DSG4: variants seen among roughly 807,000 people sequenced by gnomAD.
The protein encoded by DSG4 is desmoglein 4.
Under a neutral mutation model 93.1 loss-of-function variants are expected in DSG4, and 87 were observed. The observed-to-expected ratio is 0.93, with a 90% CI of 0.79 to 1.12. The LOEUF (loss-of-function observed/expected upper bound fraction) is 1.12, where lower values mean the gene tolerates loss of function less well. Ranked by LOEUF, DSG4 falls within the 50% of genes most tolerant of loss-of-function variation. DSG4 has a pLI of 0.00. For synonymous variants in DSG4, 432 were observed against 452.9 expected (o/e 0.95, Z 0.59); for missense variants, 1,373 against 1,285.7 (o/e 1.07, Z -1.04).
chr18:31,410,280 C>A (rs1206742879), intron 14 of DSG4, among the ~76,000 whole-genome samples: 1 of 151,824 alleles, frequency 6.6e-6, no homozygotes, highest in African/African-American at 2.4e-5. Context: ...TAAAATTGAG[C>A]TTATGATAGT....
At position 31,380,748 on chromosome 18, in the gene DSG4, C is replaced by A. The variant is rs376711144; in HGVS notation, c.48+3789C>A. ...TGGTCCTACATATGCGGATGACTTCCAAACTGACTACTTACTTCAAAAGGG... is the reference window on the plus strand; with the variant it reads ...TGGTCCTACATATGCGGATGACTTCAAAACTGACTACTTACTTCAAAAGGG... On this transcript the variant is annotated intron_variant, in intron 1 of 15. Coordinates refer to ENST00000308128, the MANE Select transcript of DSG4 (RefSeq NM_177986.5). Among the ~76,000 whole-genome samples, 35 of 152,258 alleles carry A rather than the reference C, an allele frequency of 2.3e-4. 1 individual carries two copies. In the South Asian group the frequency reaches 5.6e-3, roughly 24 times the overall value.
Position 31,410,229 on chromosome 18 carries a change from T to C in DSG4, c.2137+421T>C, listed in dbSNP as rs556014171. On this transcript the variant is annotated intron_variant, in intron 14 of 15. Transcript: ENST00000308128. The stretch of plus-strand genomic sequence containing the variant: ...TCAACCTGTAGTAATAAGTCCTTAG[T>C]CAAGACATTTAACCTCACTGGGCCT... Among the ~76,000 whole-genome samples, 11 of 152,262 alleles carry C rather than the reference T, an allele frequency of 7.2e-5. No individual in the cohort carries two copies. In the East Asian group the frequency reaches 1.9e-3, roughly 27 times the overall value.
chr18:31,406,023 C>T (rs1213237695), intron 11 of DSG4, 54 bp from the exon 12 acceptor site: 6 of 1,608,460 alleles, frequency 3.7e-6, no homozygotes, highest in South Asian at 1.1e-5. Context: ...TAACCACCCC[C>T]CTAGCCCACC....
At chr18:31,406,757 T>C (rs911204529) in intron 12 of DSG4, among the ~76,000 whole-genome samples, 1 of 150,972 alleles carries the variant, frequency 6.6e-6, no homozygotes, top group East Asian at 1.9e-4. Context: ...CCTGAAAAGC[T>C]GAGGATTTTT....
In DSG4 at chr18:31,390,685, G is replaced by A. The variant is rs1385009281; in HGVS notation, c.547G>A (p.Asp183Asn). The change falls in exon 6 of 16, where the codon GAT becomes AAT. Residue 183 changes from aspartate to asparagine, a missense_variant. Asp to Asn is a conservative substitution (Grantham distance 23). Coordinates refer to ENST00000308128, the MANE Select transcript of DSG4 (RefSeq NM_177986.5). ...NTLVVKLCATDADEENHLNSK... is the reference protein window; with the variant it reads ...NTLVVKLCATNADEENHLNSK... Reference sequence around the variant, plus strand: ...ATTGGTAGTAAAGTTATGTGCCACAGATGCAGATGAAGAAAATCATCTGAA... The same window carrying A: ...ATTGGTAGTAAAGTTATGTGCCACAAATGCAGATGAAGAAAATCATCTGAA... 6.2e-7 allele frequency: 1 copy of A among 1,613,536 alleles called. No individual in the cohort carries two copies. The highest frequency in any genetic ancestry group is 8.5e-7 in the Non-Finnish European group (1 of 1,179,688).
In DSG4 at chr18:31,413,590, C is replaced by G. The variant is rs1396022221; in HGVS notation, c.3118C>G (p.Gln1040Glu). The G allele has an allele frequency of 1.9e-5, 30 of 1,613,258 alleles. No individual in the cohort carries two copies. Among genetic ancestry groups the G allele is most frequent in the Non-Finnish European group, 2.5e-5 (30 of 1,179,988 alleles). Residue 1040 changes from glutamine (Q) to glutamate (E), a missense_variant, in exon 16 of 16, where the codon CAG (glutamine) becomes GAG (glutamate). By Grantham distance (29) the Gln-to-Glu change is conservative. Coordinates refer to ENST00000308128, the MANE Select transcript of DSG4 (RefSeq NM_177986.5). ...ATACAGTAACATACATTACACCCAACAGTAAGTGCTTTATGGTCAGTATTC... is the reference window on the plus strand; with the variant it reads ...ATACAGTAACATACATTACACCCAAGAGTAAGTGCTTTATGGTCAGTATTC... ...TRYSNIHYTQ[Q>E]
intron 1 of DSG4, among the ~76,000 whole-genome samples, chr18:31,380,851 C>A (rs2072126086): frequency 6.6e-6 from 1 of 152,132 alleles, no homozygotes; most frequent in South Asian, 2.1e-4. Flanking sequence ...AGAATAATAT[C>A]TATTCCAGTA....
chr18:31,411,282 C>T lies in DSG4; in HGVS notation c.2189C>T (p.Ser730Leu), dbSNP rs1260703500. 1 of 1,613,234 alleles carries T rather than the reference C, an allele frequency of 6.2e-7. No homozygotes were observed. Among genetic ancestry groups the T allele is most frequent in the Non-Finnish European group, 8.5e-7 (1 of 1,180,014 alleles). Reference protein sequence around the residue: ...AAGGTVEGGVSGVELNTGMGT... With the variant: ...AAGGTVEGGVLGVELNTGMGT... ...GGGGGCACGGTGGAAGGAGGTGTATCGGGAGTGGAGCTCAACACAGGTATG... is the reference window on the plus strand; with the variant it reads ...GGGGGCACGGTGGAAGGAGGTGTATTGGGAGTGGAGCTCAACACAGGTATG... Residue 730 changes from serine to leucine, a missense_variant, in exon 15 of 16, where the codon TCG becomes TTG. Transcript: ENST00000308128.
intron 3 of DSG4, among the ~76,000 whole-genome samples, chr18:31,387,924 A>C (rs768731892): frequency 6.6e-6 from 1 of 152,156 alleles, no homozygotes; most frequent in Admixed American, 6.6e-5. Context: ...TCTAACCATT[A>C]TAGTTTTCTG....
In DSG4 at chr18:31,390,757, C is replaced by A; in HGVS notation, c.619C>A (p.Pro207Thr). The A allele has an allele frequency of 6.2e-7, 1 of 1,613,762 alleles. No homozygotes were observed. ...KIVSQEPSGA[P>T]MFILNRYTGE... The stretch of plus-strand genomic sequence containing the variant: ...CGTCTCTCAGGAGCCATCAGGTGCA[C>A]CCATGTTCATTCTGAATAGGTACAC... Residue 207 changes from proline (P) to threonine (T), a missense_variant, in exon 6 of 16, where the codon CCC becomes ACC. By Grantham distance (38) the Pro-to-Thr change is conservative. Coordinates refer to ENST00000308128, the MANE Select transcript of DSG4 (RefSeq NM_177986.5).
chr18:31,403,587 A>G lies in DSG4; in HGVS notation c.1589A>G (p.Asp530Gly). 1 of 1,614,060 alleles carries G rather than the reference A, an allele frequency of 6.2e-7. No individual in the cohort carries two copies. Among genetic ancestry groups the G allele is most frequent in the African/African-American group, 1.3e-5 (1 of 75,030 alleles). Reference protein sequence around the residue: ...YGSPFTFCVVDEPPGIADMWD... With the variant: ...YGSPFTFCVVGEPPGIADMWD... ...TCTCCGTTTACTTTCTGTGTTGTTGATGAGCCACCAGGAATAGCTGACATG... is the reference window on the plus strand; with the variant it reads ...TCTCCGTTTACTTTCTGTGTTGTTGGTGAGCCACCAGGAATAGCTGACATG... Residue 530 changes from aspartate to glycine, a missense_variant, in exon 11 of 16, where the codon GAT (aspartate) becomes GGT (glycine). Coordinates refer to ENST00000308128, the MANE Select transcript of DSG4 (RefSeq NM_177986.5).
At chr18:31,399,185 GTGT>G in intron 8 of DSG4, 84 bp from the exon 9 acceptor site, 1 of 1,549,526 alleles carries the variant, frequency 6.5e-7, no homozygotes. Flanking sequence ...CCTTATTCTA[GTGT>G]GTGGTTTGCT....
chr18:31,392,206 C>A lies in DSG4; in HGVS notation c.871C>A (p.Gln291Lys), dbSNP rs2072257551. The A allele has an allele frequency of 6.2e-7, 1 of 1,613,732 alleles. No individual in the cohort carries two copies. Among genetic ancestry groups the A allele is most frequent in the African/African-American group, 1.3e-5 (1 of 75,000 alleles). Residue 291 changes from glutamine to lysine, a missense_variant, in exon 8 of 16, where the codon CAA becomes AAA. Gln to Lys is a moderately conservative substitution (Grantham distance 53). Transcript: ENST00000308128. ...TTTAAGTTCGGAACTGATACGATTA[C>A]AAGCAATTGATCTTGATGAAGAAGG... The part of the protein sequence containing the change: ...NCLSSELIRL[Q>K]AIDLDEEGTD...
intron 8 of DSG4, among the ~76,000 whole-genome samples, chr18:31,392,976 G>A (rs748530846): frequency 3.3e-5 from 5 of 152,032 alleles, no homozygotes; most frequent in Admixed American, 6.6e-5. Context: ...CTGAAATACC[G>A]GCTTTGATTT....
In DSG4 at chr18:31,399,556, T is replaced by C; in HGVS notation, c.1277+13T>C. 6.2e-7 allele frequency: 1 copy of C among 1,613,774 alleles called. No homozygotes were observed. The highest frequency in any genetic ancestry group is 8.5e-7 in the Non-Finnish European group (1 of 1,179,842). On this transcript the variant is annotated intron_variant, in intron 9 of 15. Coordinates refer to ENST00000308128, the MANE Select transcript of DSG4 (RefSeq NM_177986.5). ...CAACAGATGTCAGGTACTGCAACTA[T>C]TTTCTTCATGTTCTATGGTTCTATC...
intron 12 of DSG4, among the ~76,000 whole-genome samples, chr18:31,408,640 A>T (rs2072452977): frequency 6.6e-6 from 1 of 152,194 alleles, no homozygotes; most frequent in Admixed American, 6.5e-5. Flanking sequence ...TGAAATAATC[A>T]CATCCTGGAG....
At chr18:31,397,192 G>A (rs2072315036) in intron 8 of DSG4, among the ~76,000 whole-genome samples, 1 of 152,148 alleles carries the variant, frequency 6.6e-6, no homozygotes, top group African/African-American at 2.4e-5. Context: ...ATTTACAGCA[G>A]CCAAAAGCCT....
intron 3 of DSG4, 117 bp downstream of exon 3, chr18:31,386,936 C>A (rs1378590295): frequency 6.6e-7 from 1 of 1,515,322 alleles, no homozygotes; most frequent in South Asian, 1.2e-5. Context: ...AGAATGTGGT[C>A]ATTTGCTCCA....
Position 31,413,234 on chromosome 18 carries a change from C to G in DSG4, c.2762C>G (p.Thr921Ser), listed in dbSNP as rs1313243758. The G allele has an allele frequency of 2.5e-6, 4 of 1,614,138 alleles. No individual in the cohort carries two copies. The Admixed American group carries it at 5.0e-5, about 20-fold the overall frequency. The change falls in exon 16 of 16, where the codon ACT (threonine) becomes AGT (serine). Residue 921 changes from threonine to serine, a missense_variant. Transcript: ENST00000308128. Reference sequence around the variant, plus strand: ...AATGCTGATCCATGTGTGCAACCCACTACAATTATTTTTGATCCTCAGCTT... The same window carrying G: ...AATGCTGATCCATGTGTGCAACCCAGTACAATTATTTTTGATCCTCAGCTT... The part of the protein sequence containing the change: ...YGNADPCVQP[T>S]TIIFDPQLAP...
Sources: allele counts gnomAD v4.1 joint callset (sites outside exome capture counted in the v4.1 genomes callset), GRCh38; gene constraint gnomAD v4.1.1; transcripts MANE v1.5; gene names NCBI Gene and HGNC (gene_info 2026-07-23, HGNC 2026-07-21).